Variants in GABBR2 observed in about 807,000 individuals in gnomAD.
GABBR2 encodes the protein gamma-aminobutyric acid type B receptor subunit 2.
A neutral mutation model predicts 105.6 loss-of-function variants in GABBR2; 23 were observed. The ratio of observed to expected loss-of-function variants is 0.22; its 90% CI spans 0.16 to 0.31. GABBR2 has a LOEUF of 0.31. GABBR2 is among the 10% of genes least tolerant of loss of function. The probability of loss-of-function intolerance (pLI) is 1.00; values close to 1 mark genes in which losing one functional copy is unlikely to be tolerated. For synonymous variants in GABBR2, 478 were observed against 499.7 expected (o/e 0.96, Z 0.58); for missense variants, 734 against 1,245.5 (o/e 0.59, Z 6.18).
intron 6 of GABBR2, among the ~76,000 whole-genome samples, chr9:98,471,888 C>CA (rs901791343): frequency 6.6e-6 from 1 of 152,014 alleles, no homozygotes; most frequent in African/African-American, 2.4e-5. Flanking sequence ...TTCAACATCT[C>CA]AAAAAAATGT....
intron 1 of GABBR2, among the ~76,000 whole-genome samples, chr9:98,650,686 G>A (rs567356879): frequency 3.2e-4 from 49 of 152,282 alleles, no homozygotes; most frequent in African/African-American, 1.1e-3. Flanking sequence ...GGCAACCTAC[G>A]TACACATTGA....
At chr9:98,471,293 G>T (rs1228903411) in intron 6 of GABBR2, among the ~76,000 whole-genome samples, 1 of 152,148 alleles carries the variant, frequency 6.6e-6, no homozygotes, top group African/African-American at 2.4e-5. Flanking sequence ...TCCCCTCCAG[G>T]GGGTGGGCTT....
chr9:98,487,287 G>A (rs1206440011), intron 4 of GABBR2, among the ~76,000 whole-genome samples: 2 of 152,134 alleles, frequency 1.3e-5, no homozygotes, highest in Non-Finnish European at 2.9e-5. Context: ...TGGACTCCTG[G>A]CCTGTGGGAG....
chr9:98,619,021 A>C (rs551765214), intron 1 of GABBR2, among the ~76,000 whole-genome samples: 135 of 152,326 alleles, frequency 8.9e-4, no homozygotes, highest in Non-Finnish European at 1.5e-3. Flanking sequence ...GTTGGTGGGG[A>C]AAAGTGAAGT....
At chr9:98,375,838 G>T (rs1002518803) in intron 11 of GABBR2, among the ~76,000 whole-genome samples, 4 of 152,150 alleles carry the variant, frequency 2.6e-5, no homozygotes, top group Non-Finnish European at 4.4e-5. Context: ...TCCCTTCTAT[G>T]TGGCTCTATG....
chr9:98,664,954 C>T (rs907682928), intron 1 of GABBR2, among the ~76,000 whole-genome samples: 2 of 151,432 alleles, frequency 1.3e-5, no homozygotes, highest in African/African-American at 4.9e-5. Context: ...AGTGAGACCC[C>T]CATCTCTGCA....
chr9:98,293,808 T>C lies in GABBR2; in HGVS notation c.2637A>G (p.Ile879Met). Residue 879 changes from isoleucine to methionine, a missense_variant, in exon 18 of 19, where the codon ATA becomes ATG. Coordinates refer to ENST00000259455, the MANE Select transcript of GABBR2 (RefSeq NM_005458.8). Reference sequence around the variant, plus strand: ...ACTGTTCTGGAGAGTTTATATCTTCTATAGGATCTTTGCATGTTCGAGAGG... The same window carrying C: ...ACTGTTCTGGAGAGTTTATATCTTCCATAGGATCTTTGCATGTTCGAGAGG... ...TEPSRTCKDP[I>M]EDINSPEHIQ... 4 of 1,588,858 alleles carry C rather than the reference T, an allele frequency of 2.5e-6. No homozygotes were observed. Among genetic ancestry groups the C allele is most frequent in the Non-Finnish European group, 3.5e-6 (4 of 1,157,532 alleles).
intron 2 of GABBR2, among the ~76,000 whole-genome samples, chr9:98,548,876 G>T (rs1828437305): frequency 8.3e-6 from 1 of 120,740 alleles, no homozygotes; most frequent in Non-Finnish European, 1.9e-5. Context: ...TGAGTATTGG[G>T]GTCTCTTGGT....
intron 2 of GABBR2, among the ~76,000 whole-genome samples, chr9:98,560,833 C>T (rs1268055780): frequency 1.3e-5 from 2 of 149,790 alleles, no homozygotes; most frequent in African/African-American, 2.4e-5. Context: ...CACACACATA[C>T]ACTTAATGAT....
intron 1 of GABBR2, among the ~76,000 whole-genome samples, chr9:98,587,264 C>T (rs547163562): frequency 6.6e-6 from 1 of 152,220 alleles, no homozygotes; most frequent in Admixed American, 6.5e-5. Context: ...CAGAGCACTC[C>T]CAGCCACAAT....
At chr9:98,651,372 G>C (rs1005586729) in intron 1 of GABBR2, among the ~76,000 whole-genome samples, 2 of 151,888 alleles carry the variant, frequency 1.3e-5, no homozygotes, top group Non-Finnish European at 2.9e-5. Flanking sequence ...TTGAACTCCT[G>C]ACCTCAGCCT....
intron 9 of GABBR2, among the ~76,000 whole-genome samples, chr9:98,389,582 G>A (rs748917056): frequency 6.6e-6 from 1 of 152,228 alleles, no homozygotes; most frequent in South Asian, 2.1e-4. Flanking sequence ...AACTGTGGGA[G>A]GCAGAAGCTA....
At chr9:98,546,954 G>A (rs1327438849) in intron 2 of GABBR2, among the ~76,000 whole-genome samples, 2 of 120,678 alleles carry the variant, frequency 1.7e-5, no homozygotes, top group African/African-American at 5.3e-5. Context: ...TACTGAGGAT[G>A]GCCCTGTGTT....
At chr9:98,668,036 G>C (rs1365647017) in intron 1 of GABBR2, among the ~76,000 whole-genome samples, 1 of 152,180 alleles carries the variant, frequency 6.6e-6, no homozygotes, top group East Asian at 1.9e-4. Flanking sequence ...CTCAATTTGG[G>C]ACCGCCCTGA....
intron 2 of GABBR2, among the ~76,000 whole-genome samples, chr9:98,569,447 G>A (rs537188888): frequency 7.8e-4 from 119 of 152,308 alleles, no homozygotes; most frequent in African/African-American, 2.8e-3. Flanking sequence ...TCCAATGGCC[G>A]TAATCAGAGA....
intron 2 of GABBR2, among the ~76,000 whole-genome samples, chr9:98,576,137 C>G (rs191223402): frequency 1.6e-3 from 244 of 152,298 alleles, no homozygotes; most frequent in African/African-American, 5.4e-3. Context: ...CACCCCAGCA[C>G]CCCATGCATG....
Position 98,569,777 on chromosome 9 carries a change from G to A in GABBR2, c.459+8158C>T, listed in dbSNP as rs773032753. On this transcript the variant is annotated intron_variant, in intron 2 of 18. Coordinates refer to ENST00000259455, the MANE Select transcript of GABBR2 (RefSeq NM_005458.8). ...GACCTAATGCCTGCTAAGCCTCTACGACCTCTGCCATTCCATGAATCTACC... is the reference window on the plus strand; with the variant it reads ...GACCTAATGCCTGCTAAGCCTCTACAACCTCTGCCATTCCATGAATCTACC... 7.9e-5 allele frequency among the ~76,000 whole-genome samples: 12 copies of A among 152,140 alleles called. 1 individual carries two copies. The highest frequency in any genetic ancestry group is 2.1e-4 in the South Asian group (1 of 4,818).
intron 7 of GABBR2, among the ~76,000 whole-genome samples, chr9:98,422,781 T>G: frequency 9.0e-6 from 1 of 111,262 alleles, no homozygotes. Flanking sequence ...CCCACAACAG[T>G]CCCCAGAGTG....
chr9:98,299,874 T>C (rs1212455900), intron 16 of GABBR2, among the ~76,000 whole-genome samples: 2 of 152,062 alleles, frequency 1.3e-5, no homozygotes, highest in Admixed American at 6.5e-5. Context: ...ATAATAATAT[T>C]ACTATTATTA....
Sources: allele counts gnomAD v4.1 joint callset (sites outside exome capture counted in the v4.1 genomes callset), GRCh38; gene constraint gnomAD v4.1.1; transcripts MANE v1.5; gene names NCBI Gene and HGNC (gene_info 2026-07-23, HGNC 2026-07-21).